The following PAQR6 variants were observed in gnomAD, a reference collection of about 807,000 sequenced individuals.
The protein encoded by PAQR6 is membrane progestin receptor delta.
PAQR6 carries 34 observed loss-of-function variants against 36.2 expected under a neutral mutation model. The ratio of observed to expected loss-of-function variants is 0.94; its 90% CI spans 0.71 to 1.25. The LOEUF (loss-of-function observed/expected upper bound fraction) is 1.25. PAQR6 is among the 50% of genes most tolerant of loss of function. The pLI is 0.00. For missense variants in PAQR6, 431 were observed against 445.7 expected (o/e 0.97, Z 0.30); for synonymous variants, 190 against 190.7 (o/e 1.00, Z 0.03).
In PAQR6 at chr1:156,245,864, C is replaced by T. The variant is rs141241853; in HGVS notation, c.303G>A (p.Ala101=). The T allele has an allele frequency of 6.2e-7, 1 of 1,603,572 alleles. No individual in the cohort carries two copies. Among genetic ancestry groups the T allele is most frequent in the South Asian group, 1.1e-5 (1 of 89,200 alleles). Reference sequence around the variant, plus strand: ...GGGGCGACATGGAGCTGAAGGTGTGCGCGCAGCACGACGCGAAGGGGTAGA... The same window carrying T: ...GGGGCGACATGGAGCTGAAGGTGTGTGCGCAGCACGACGCGAAGGGGTAGA... ...ACLYPFASCC[A]HTFSSMSPRM... is the part of the protein sequence containing the mutation. The change falls in exon 4 of 8, where the codon GCG becomes GCA. Residue 101 remains alanine, a synonymous_variant. Transcript: ENST00000292291.
At chr1:156,245,355 C>G (rs1209971916) in intron 5 of PAQR6, 117 bp from the exon 6 acceptor site, 3 of 1,374,676 alleles carry the variant, frequency 2.2e-6, no homozygotes, top group Non-Finnish European at 3.1e-6. Flanking sequence ...CTAAGAAAAC[C>G]GTTAGGGCAT....
Position 156,245,130 on chromosome 1 carries a change from A to G in PAQR6, c.609+12T>C. 6.2e-7 allele frequency: 1 copy of G among 1,611,772 alleles called. No homozygotes were observed. Among genetic ancestry groups the G allele is most frequent in the Non-Finnish European group, 8.5e-7 (1 of 1,178,286 alleles). On this transcript the variant is annotated intron_variant, in intron 6 of 7. Transcript: ENST00000292291. ...AAGCAGGAGTCTGGGCAGGGGCCCT[A>G]GGCCTCCTTACCCGATAAAAGAGTG...
Position 156,245,136 on chromosome 1 carries a change from C to T in PAQR6, c.609+6G>A. ...GAGTCTGGGCAGGGGCCCTAGGCCT[C>T]CTTACCCGATAAAAGAGTGGGAGGT... On this transcript the variant is annotated splice_donor_region_variant and intron_variant, in intron 6 of 7. Transcript: ENST00000292291. The T allele has an allele frequency of 1.2e-6, 2 of 1,612,676 alleles. No individual in the cohort carries two copies. Among genetic ancestry groups the T allele is most frequent in the South Asian group, 1.1e-5 (1 of 91,036 alleles).
intron 1 of PAQR6, chr1:156,247,727 T>C (rs371434998): frequency 2.0e-5 from 4 of 202,886 alleles, no homozygotes; most frequent in East Asian, 1.7e-4. Flanking sequence ...CTCCCACAAG[T>C]GGGATGGTCG....
In PAQR6 at chr1:156,246,248, C is replaced by T. The variant is rs1260605367; in HGVS notation, c.54G>A (p.Val18=). 6.2e-7 allele frequency: 1 copy of T among 1,610,922 alleles called. No individual in the cohort carries two copies. The highest frequency in any genetic ancestry group is 1.1e-5 in the South Asian group (1 of 90,968). Reference sequence around the variant, plus strand: ...CAGACATGATGCCATCTTCCCAGAACACCTAGGGTAGTGGTGGGAGAGGAA... The same window carrying T: ...CAGACATGATGCCATCTTCCCAGAATACCTAGGGTAGTGGTGGGAGAGGAA... The part of the protein sequence containing the change: ...QLLQVHQVPR[V]FWEDGIMSGY... The change falls in exon 3 of 8, where the codon GTG becomes GTA. Residue 18 remains valine, a splice_region_variant and synonymous_variant. Coordinates refer to ENST00000292291, the MANE Select transcript of PAQR6 (RefSeq NM_198406.3).
chr1:156,246,653 T>C, intron 2 of PAQR6, 28 bp downstream of exon 2: 2 of 1,611,224 alleles, frequency 1.2e-6, no homozygotes, highest in Non-Finnish European at 1.7e-6. Context: ...GAATGGGGGT[T>C]GGTGGGTCAG....
chr1:156,243,641 T>A lies in PAQR6; in HGVS notation c.*488A>T. On this transcript the variant is annotated 3_prime_UTR_variant, in exon 8 of 8. Coordinates refer to ENST00000292291, the MANE Select transcript of PAQR6 (RefSeq NM_198406.3). ...GGACAGACTCATCTCTATAGGCAAA[T>A]AGCTGCTGGCAAACTGGCATTACCT... 1.7e-6 allele frequency: 1 copy of A among 603,312 alleles called. No homozygotes were observed. The highest frequency in any genetic ancestry group is 2.8e-6 in the Non-Finnish European group (1 of 353,184). 37.4% of individuals were successfully genotyped at this position (603,312 alleles called of 1,614,324 possible).
In PAQR6 at chr1:156,244,324, T is replaced by C. The variant is rs756263810; in HGVS notation, c.840A>G (p.Gly280=). 6.2e-7 allele frequency: 1 copy of C among 1,610,020 alleles called. No homozygotes were observed. The highest frequency in any genetic ancestry group is 8.5e-7 in the Non-Finnish European group (1 of 1,178,564). ...GTGTGGCCAGCCAGGCTCTGCGTGA[T>C]CCCATATCAGCCAGCACTGCCTCCA... ...FQLEAVLADM[G]SRRAWLATQE... The change falls in exon 8 of 8, where the codon GGA becomes GGG. Residue 280 remains glycine (G), a synonymous_variant. Coordinates refer to ENST00000292291, the MANE Select transcript of PAQR6 (RefSeq NM_198406.3).
rs746083206 is a variant in PAQR6, at chr1:156,245,535, C to T, written c.512G>A (p.Arg171His). ...CCACTGGAGGGGCCTGGGAACCCAC[C>T]GGGAGTAGCAGGAGAGGCCGGTGCA... ...FLCTGLSCYS[R>H]FLELESPGLS... Residue 171 changes from arginine to histidine, a missense_variant and splice_region_variant, in exon 5 of 8, where the codon CGT becomes CAT. By Grantham distance (29) the Arg-to-His change is conservative. Transcript: ENST00000292291. The T allele has an allele frequency of 5.0e-6, 8 of 1,612,026 alleles. No homozygotes were observed. In the East Asian group the frequency reaches 6.7e-5, roughly 13 times the overall value.
chr1:156,246,679 A>C lies in PAQR6; in HGVS notation c.51+2T>G. The C allele has an allele frequency of 2.5e-6, 4 of 1,613,580 alleles. No individual in the cohort carries two copies. The highest frequency in any genetic ancestry group is 3.4e-6 in the Non-Finnish European group (4 of 1,179,774). On this transcript the variant is annotated splice_donor_variant, in intron 2 of 7. Transcript: ENST00000292291. LOFTEE classifies it high-confidence loss of function. ...GGTGGGTCAGTGGGTGGAGCCCCTC[A>C]CCCGGGGGACCTGGTGGACTTGAAG...
At chr1:156,246,933 C>T (rs547143115) in intron 1 of PAQR6, among the ~76,000 whole-genome samples, 177 bp from the exon 2 acceptor site, 1 of 152,294 alleles carries the variant, frequency 6.6e-6, no homozygotes, top group East Asian at 1.9e-4. Flanking sequence ...CCTTGCACCA[C>T]TTAACTCCAA....
At chr1:156,246,284 G>A (rs1660474953) in intron 2 of PAQR6, 34 bp from the exon 3 acceptor site, 1 of 1,562,184 alleles carries the variant, frequency 6.4e-7, no homozygotes, top group Non-Finnish European at 8.8e-7. Context: ...GGGCGTCACT[G>A]TGCCCGGACC....
intron 3 of PAQR6, 59 bp downstream of exon 3, chr1:156,246,064 C>A (rs764364830): frequency 6.2e-7 from 1 of 1,603,410 alleles, no homozygotes; most frequent in Non-Finnish European, 8.5e-7. Context: ...ACGGTCCCTG[C>A]CCGCCTGGGT....
intron 3 of PAQR6, 60 bp from the exon 4 acceptor site, chr1:156,246,047 G>T (rs759588270): frequency 6.3e-7 from 1 of 1,598,974 alleles, no homozygotes; most frequent in African/African-American, 1.3e-5. Context: ...GCAGCCCGTG[G>T]GCCTGGACGG....
rs529638145 is a variant in PAQR6, at chr1:156,243,644, C to T, written c.*485G>A. 6 of 611,754 alleles carry T rather than the reference C, an allele frequency of 9.8e-6. No individual in the cohort carries two copies. Among genetic ancestry groups the T allele is most frequent in the African/African-American group, 9.1e-5 (5 of 54,740 alleles). The allele number at this position is 611,754 out of a possible 1,614,324, so 37.9% of individuals were successfully genotyped here. On this transcript the variant is annotated 3_prime_UTR_variant, in exon 8 of 8. Transcript: ENST00000292291. ...CAGACTCATCTCTATAGGCAAATAG[C>T]TGCTGGCAAACTGGCATTACCTGGT...
At chr1:156,244,728 C>G (rs575094373) in intron 7 of PAQR6, 33 bp downstream of exon 7, 10 of 1,613,788 alleles carry the variant, frequency 6.2e-6, no homozygotes, top group Admixed American at 1.7e-5. Context: ...TCTGCCCCTG[C>G]CTCTTCCCGG....
chr1:156,243,957 T>A lies in PAQR6; in HGVS notation c.*172A>T, dbSNP rs781034312. 6.2e-7 allele frequency: 1 copy of A among 1,614,040 alleles called. No individual in the cohort carries two copies. Among genetic ancestry groups the A allele is most frequent in the Non-Finnish European group, 8.5e-7 (1 of 1,179,982 alleles). On this transcript the variant is annotated 3_prime_UTR_variant, in exon 8 of 8. Coordinates refer to ENST00000292291, the MANE Select transcript of PAQR6 (RefSeq NM_198406.3). ...CACGGTCCCTCTCACACTCTGCCAG[T>A]CCCCCTAGACACCCCTCCTCTTCTC...
chr1:156,244,665 TC>T, intron 7 of PAQR6, 95 bp downstream of exon 7: 1 of 1,594,980 alleles, frequency 6.3e-7, no homozygotes, highest in Non-Finnish European at 8.6e-7. Flanking sequence ...TTTGCCTCCA[TC>T]CTGGGGCTGT....
intron 1 of PAQR6, 109 bp downstream of exon 1, chr1:156,247,848 C>A: frequency 2.8e-6 from 1 of 352,706 alleles, no homozygotes; most frequent in East Asian, 9.0e-5. Context: ...GTTTGGAGAT[C>A]TCTGGAGTGG....
Sources: allele counts gnomAD v4.1 joint callset (sites outside exome capture counted in the v4.1 genomes callset), GRCh38; gene constraint gnomAD v4.1.1; transcripts MANE v1.5; gene names NCBI Gene and HGNC (gene_info 2026-07-23, HGNC 2026-07-21).